FSTL4: variants seen among roughly 807,000 people sequenced by gnomAD.
The protein encoded by FSTL4 is follistatin-related protein 4.
A neutral mutation model predicts 78.2 loss-of-function variants in FSTL4; 28 were observed. The ratio of observed to expected loss-of-function variants is 0.36; its 90% CI spans 0.27 to 0.49. The LOEUF (loss-of-function observed/expected upper bound fraction) is 0.49, where lower values mean the gene tolerates loss of function less well. Ranked by LOEUF, FSTL4 falls within the 20% of genes least tolerant of loss-of-function variation. The pLI, the probability that FSTL4 is intolerant of heterozygous loss-of-function variation, is 0.98. For missense variants in FSTL4, 922 were observed against 1,084.9 expected (o/e 0.85, Z 2.11); for synonymous variants, 422 against 440.5 (o/e 0.96, Z 0.53).
chr5:133,613,738 G>A (rs928768699), upstream of FSTL4, among the ~76,000 whole-genome samples: 4 of 152,164 alleles, frequency 2.6e-5, no homozygotes, highest in East Asian at 1.9e-4. Flanking sequence ...AGAGCCAATC[G>A]TATCTCTACT....
Position 133,443,276 on chromosome 5 carries a change from C to T in FSTL4, c.161-42290G>A, listed in dbSNP as rs75260790. On this transcript the variant is annotated intron_variant, in intron 3 of 15. Coordinates refer to ENST00000265342, the MANE Select transcript of FSTL4 (RefSeq NM_015082.2). Reference sequence around the variant, plus strand: ...CTTCCAGGTGCAAGAAAGTGATAAGCGGAGCTCGATTCCTCTAATTTGCCT... The same window carrying T: ...CTTCCAGGTGCAAGAAAGTGATAAGTGGAGCTCGATTCCTCTAATTTGCCT... 7.2e-3 allele frequency among the ~76,000 whole-genome samples: 1,104 copies of T among 152,306 alleles called. 15 individuals are homozygous for T. Among genetic ancestry groups the T allele is most frequent in the African/African-American group, 0.024 (996 of 41,550 alleles).
At chr5:133,220,465 C>T (rs1751057227) in intron 12 of FSTL4, among the ~76,000 whole-genome samples, 1 of 152,256 alleles carries the variant, frequency 6.6e-6, no homozygotes, top group Non-Finnish European at 1.5e-5. Context: ...GTTCACATTG[C>T]TGTCTCCATC....
chr5:133,796,041 AC>A, the FSTL4 span, among the ~76,000 whole-genome samples: 1 of 152,046 alleles, frequency 6.6e-6, no homozygotes. Flanking sequence ...TGCTCTTCTT[AC>A]CAGCCCCCCT....
At chr5:133,365,876 C>A (rs1294940395) in intron 4 of FSTL4, among the ~76,000 whole-genome samples, 48 of 152,232 alleles carry the variant, frequency 3.2e-4, no homozygotes, top group Admixed American at 3.1e-3. Flanking sequence ...CCATCTGCGT[C>A]AGCCTCCTGC....
At position 133,295,166 on chromosome 5, in the gene FSTL4, C is replaced by T. The variant is rs148326487; in HGVS notation, c.727+17488G>A. Among the ~76,000 whole-genome samples, 5 of 152,292 alleles carry T rather than the reference C, an allele frequency of 3.3e-5. No individual in the cohort carries two copies. The East Asian group carries it at 5.8e-4, about 18-fold the overall frequency. On this transcript the variant is annotated intron_variant, in intron 6 of 15. Transcript: ENST00000265342. ...TTCCACATCTCTTCCCTTATCCTCA[C>T]GCTCAGCCATGACCTTGCTTCCTGA...
At chr5:133,221,047 G>C in intron 11 of FSTL4, 181 bp from the exon 12 acceptor site, 1 of 694,826 alleles carries the variant, frequency 1.4e-6, no homozygotes, top group Non-Finnish European at 2.6e-6. Context: ...TGGGTGCAGA[G>C]AGGGCCCCCC....
chr5:133,342,173 G>A (rs1209083788), intron 4 of FSTL4, among the ~76,000 whole-genome samples: 3 of 152,264 alleles, frequency 2.0e-5, no homozygotes, highest in East Asian at 1.9e-4. Context: ...TGGTGAGGTC[G>A]CTTGAAGTTC....
the FSTL4 span, among the ~76,000 whole-genome samples, chr5:133,810,590 G>A: frequency 3.3e-5 from 5 of 152,170 alleles, no homozygotes; most frequent in African/African-American, 1.2e-4. Flanking sequence ...AGAGAGAAAG[G>A]GGCGCCCAAG....
chr5:133,253,860 C>A (rs902155489), intron 6 of FSTL4, among the ~76,000 whole-genome samples: 7 of 152,208 alleles, frequency 4.6e-5, no homozygotes, highest in Non-Finnish European at 1.0e-4. Flanking sequence ...ACATTATTTA[C>A]CACTGTGCCA....
At chr5:133,319,984 G>T (rs1188914537) in intron 4 of FSTL4, among the ~76,000 whole-genome samples, 2 of 152,208 alleles carry the variant, frequency 1.3e-5, no homozygotes, top group Non-Finnish European at 2.9e-5. Flanking sequence ...CTTCTGTGCA[G>T]ATGATCACTC....
chr5:133,830,699 T>C, the FSTL4 span, among the ~76,000 whole-genome samples: 1,045 of 152,240 alleles, frequency 6.9e-3, 9 homozygotes, highest in African/African-American at 0.023. Flanking sequence ...CTGCCTCCAG[T>C]CCCAGCACTC....
At chr5:133,530,891 C>T (rs751949465) in intron 3 of FSTL4, among the ~76,000 whole-genome samples, 3 of 152,200 alleles carry the variant, frequency 2.0e-5, no homozygotes, top group Non-Finnish European at 4.4e-5. Flanking sequence ...GTGGGCTCTC[C>T]GTGGTCTTTC....
chr5:133,542,831 C>G (rs1374659513), intron 3 of FSTL4, among the ~76,000 whole-genome samples: 1 of 151,732 alleles, frequency 6.6e-6, no homozygotes, highest in Non-Finnish European at 1.5e-5. Context: ...TCCCTCTCTC[C>G]TCTTTCCTTT....
At chr5:133,808,598 G>A in the FSTL4 span, among the ~76,000 whole-genome samples, 1 of 152,188 alleles carries the variant, frequency 6.6e-6, no homozygotes, top group Non-Finnish European at 1.5e-5. Flanking sequence ...AAAGAGAAAA[G>A]TTAAGTATGC....
intron 6 of FSTL4, among the ~76,000 whole-genome samples, chr5:133,267,917 G>C (rs576009401): frequency 6.6e-5 from 10 of 152,308 alleles, no homozygotes; most frequent in African/African-American, 2.4e-4. Context: ...ACACATTCAG[G>C]CTCAGCAGAA....
intron 3 of FSTL4, among the ~76,000 whole-genome samples, chr5:133,531,533 T>C (rs538704620): frequency 6.6e-6 from 1 of 152,332 alleles, no homozygotes; most frequent in Non-Finnish European, 1.5e-5. Flanking sequence ...CCACACTGCA[T>C]TTGTTCCCTA....
intron 4 of FSTL4, among the ~76,000 whole-genome samples, chr5:133,378,411 T>G (rs1483733615): frequency 6.6e-6 from 1 of 152,158 alleles, no homozygotes; most frequent in South Asian, 2.1e-4. Flanking sequence ...AGTAAGGAAA[T>G]GATATCAAAT....
At chr5:133,245,338 G>A (rs1752008893) in intron 7 of FSTL4, among the ~76,000 whole-genome samples, 1 of 152,162 alleles carries the variant, frequency 6.6e-6, no homozygotes, top group Non-Finnish European at 1.5e-5. Context: ...TTGGATGCAT[G>A]TTTAATCTTA....
intron 4 of FSTL4, among the ~76,000 whole-genome samples, chr5:133,317,593 C>A (rs1207623166): frequency 6.6e-6 from 1 of 152,224 alleles, no homozygotes; most frequent in Non-Finnish European, 1.5e-5. Context: ...CAGTTTAGGG[C>A]CTGAGATAAT....
Sources: allele counts gnomAD v4.1 joint callset (sites outside exome capture counted in the v4.1 genomes callset), GRCh38; gene constraint gnomAD v4.1.1; transcripts MANE v1.5; gene names NCBI Gene and HGNC (gene_info 2026-07-23, HGNC 2026-07-21).